Variants in GRHL3 observed in about 807,000 individuals in gnomAD.
GRHL3 encodes the protein grainyhead like transcription factor 3.
A neutral mutation model predicts 70.3 loss-of-function variants in GRHL3; 20 were observed. That is an observed-to-expected ratio of 0.28 (90% CI 0.20 to 0.41). GRHL3 has a LOEUF of 0.41. GRHL3 is among the 10% of genes least tolerant of loss of function. GRHL3 has a pLI of 1.00. For missense variants in GRHL3, 637 were observed against 762.3 expected (o/e 0.84, Z 1.94); for synonymous variants, 299 against 299.9 (o/e 1.00, Z 0.03).
chr1:24,347,717 G>A (rs981910716), intron 14 of GRHL3, among the ~76,000 whole-genome samples, 164 bp downstream of exon 14: 6 of 152,212 alleles, frequency 3.9e-5, no homozygotes, highest in Non-Finnish European at 7.3e-5. Context: ...GCCGGTGGGG[G>A]TGTGCCTCTG....
At chr1:24,360,753 G>T in intron 15 of GRHL3, 1 of 1,100,904 alleles carries the variant, frequency 9.1e-7, no homozygotes. Context: ...TAACCTATTT[G>T]GGAAACAACC....
rs1639828678 is a variant in GRHL3, at chr1:24,336,689, C to T, written c.474C>T (p.Gly158=). 1.2e-6 allele frequency: 2 copies of T among 1,614,036 alleles called. No individual in the cohort carries two copies. The highest frequency in any genetic ancestry group is 2.7e-5 in the African/African-American group (2 of 74,930). ...LPAGPSKLEA[G]SVDSYLLPTT... is the part of the protein sequence containing the mutation. ...CAGGCCCCAGCAAGCTGGAGGCCGG[C>T]TCTGTGGACAGCTACCTGTTACCCA... The change falls in exon 4 of 16, where the codon GGC becomes GGT. Residue 158 remains glycine (G), a synonymous_variant. Transcript: ENST00000361548.
intron 15 of GRHL3, among the ~76,000 whole-genome samples, chr1:24,360,695 C>T (rs1157963923): frequency 1.3e-5 from 2 of 152,212 alleles, no homozygotes; most frequent in Non-Finnish European, 2.9e-5. Flanking sequence ...CATTTTTGTA[C>T]TGTGAAAATG....
At chr1:24,331,302 A>T in intron 1 of GRHL3, 124 bp from the exon 2 acceptor site, 1 of 837,136 alleles carries the variant, frequency 1.2e-6, no homozygotes. Flanking sequence ...TAATGGTGGC[A>T]GAAGAGGCAG....
intron 7 of GRHL3, among the ~76,000 whole-genome samples, chr1:24,338,542 G>T (rs1639915737): frequency 6.6e-6 from 1 of 152,204 alleles, no homozygotes; most frequent in African/African-American, 2.4e-5. Flanking sequence ...GGCACAGCCC[G>T]CCCTCAAGTC....
At chr1:24,337,008 A>G in intron 4 of GRHL3, 70 bp from the exon 5 acceptor site, 1 of 1,470,706 alleles carries the variant, frequency 6.8e-7, no homozygotes, top group Non-Finnish European at 9.5e-7. Context: ...GCTGTAATGC[A>G]CAGCCCTGGG....
At position 24,360,883 on chromosome 1, in the gene GRHL3, G is replaced by A. The variant is rs191866200; in HGVS notation, c.1695-3302G>A. 316 of 1,613,044 alleles carry A rather than the reference G, an allele frequency of 2.0e-4. No homozygotes were observed. Among genetic ancestry groups the A allele is most frequent in the African/African-American group, 2.3e-4 (17 of 75,006 alleles). Reference sequence around the variant, plus strand: ...AGGCAGGCCTGGCTGAGGCGGCGCCGCTGTCCACCGGCTGGTATTGGACAC... The same window carrying A: ...AGGCAGGCCTGGCTGAGGCGGCGCCACTGTCCACCGGCTGGTATTGGACAC... On this transcript the variant is annotated intron_variant, in intron 15 of 15. Transcript: ENST00000350501.
At chr1:24,358,764 A>G, downstream of GRHL3, 1 of 625,078 alleles carries the variant, frequency 1.6e-6, no homozygotes, top group Non-Finnish European at 2.8e-6. Flanking sequence ...AGAGGAAGGA[A>G]CTGGCCCGAG....
chr1:24,359,807 C>T (rs935411985), downstream of GRHL3, among the ~76,000 whole-genome samples: 2 of 152,210 alleles, frequency 1.3e-5, no homozygotes, highest in Non-Finnish European at 2.9e-5. The surrounding 1 kb of genome is among the most constrained non-coding windows in gnomAD (Gnocchi z 5.3). Flanking sequence ...GTGGTAATAG[C>T]GAAAGCGCTC....
chr1:24,342,978 C>T lies in GRHL3; in HGVS notation c.1372C>T (p.Leu458=), dbSNP rs560185433. 1.9e-6 allele frequency: 3 copies of T among 1,614,122 alleles called. No homozygotes were observed. The South Asian group carries it at 3.3e-5, about 18-fold the overall frequency. The change falls in exon 11 of 16, where the codon CTG becomes TTG. Residue 458 remains leucine, a synonymous_variant. Transcript: ENST00000361548. The surrounding 1 kb of genome is among the most constrained non-coding windows in gnomAD (Gnocchi z 4.8). The part of the protein sequence containing the change: ...PETDLETPPV[L]FIPNVHFSSL... ...GACTGACCTGGAGACGCCACCCGTG[C>T]TGTTCATCCCCAATGTGCACTTCTC...
At chr1:24,351,695 G>A (rs1055706136) in intron 15 of GRHL3, among the ~76,000 whole-genome samples, 21 of 152,080 alleles carry the variant, frequency 1.4e-4, no homozygotes, top group Non-Finnish European at 2.6e-4. Context: ...GTGTGTACAA[G>A]GATGTTCCCC....
chr1:24,324,562 A>ATGTG (rs1426949518), intron 1 of GRHL3, among the ~76,000 whole-genome samples: 1 of 152,240 alleles, frequency 6.6e-6, no homozygotes, highest in Non-Finnish European at 1.5e-5. Context: ...GCATCTTCCA[A>ATGTG]CAGTAATACT....
At chr1:24,350,623 A>G (rs1640466011) in intron 15 of GRHL3, among the ~76,000 whole-genome samples, 2 of 152,246 alleles carry the variant, frequency 1.3e-5, no homozygotes, top group African/African-American at 4.8e-5. Context: ...GATCAAAGGC[A>G]TGAGGCAGGC....
chr1:24,330,871 A>T (rs1242107477), intron 1 of GRHL3, among the ~76,000 whole-genome samples: 2 of 152,230 alleles, frequency 1.3e-5, no homozygotes, highest in Non-Finnish European at 2.9e-5. Flanking sequence ...AAACTCTACA[A>T]TAAAATTGGC....
At chr1:24,357,970 G>T (rs1321165945), downstream of GRHL3, 6 of 347,296 alleles carry the variant, frequency 1.7e-5, no homozygotes, top group Admixed American at 1.9e-4. Flanking sequence ...TTTCCAAACA[G>T]GTGGTCACTT....
intron 2 of GRHL3, among the ~76,000 whole-genome samples, chr1:24,332,227 C>T (rs1381625198): frequency 6.6e-6 from 1 of 152,188 alleles, no homozygotes. Context: ...TTCCCAAGGC[C>T]CACCTTCTCT....
chr1:24,352,734 C>T (rs756552073), intron 15 of GRHL3, among the ~76,000 whole-genome samples: 1 of 152,220 alleles, frequency 6.6e-6, no homozygotes, highest in Non-Finnish European at 1.5e-5. Flanking sequence ...AGGACCCACC[C>T]CTCTGCCCAG....
chr1:24,329,580 G>T (rs969720881), intron 1 of GRHL3, among the ~76,000 whole-genome samples: 1 of 152,204 alleles, frequency 6.6e-6, no homozygotes, highest in Non-Finnish European at 1.5e-5. Flanking sequence ...ACATTTTCTC[G>T]TTCTCTGCAA....
chr1:24,356,797 T>C (rs138785513), downstream of GRHL3, among the ~76,000 whole-genome samples: 778 of 152,318 alleles, frequency 5.1e-3, 8 homozygotes, highest in African/African-American at 0.018. Context: ...GCTCTGCTTC[T>C]CTCCACTTAA....
Sources: allele counts gnomAD v4.1 joint callset (sites outside exome capture counted in the v4.1 genomes callset), GRCh38; gene constraint gnomAD v4.1.1; non-coding constraint Gnocchi (gnomAD v3.1); transcripts MANE v1.5; gene names NCBI Gene and HGNC (gene_info 2026-07-23, HGNC 2026-07-21).